ARHGEF3: variants seen among roughly 807,000 people sequenced by gnomAD.
ARHGEF3 encodes the protein Rho guanine nucleotide exchange factor 3.
ARHGEF3 carries 28 observed loss-of-function variants against 63.2 expected under a neutral mutation model. The ratio of observed to expected loss-of-function variants is 0.44; its 90% CI spans 0.33 to 0.61. The LOEUF (loss-of-function observed/expected upper bound fraction) is 0.61. Ranked by LOEUF, ARHGEF3 falls within the 20% of genes least tolerant of loss-of-function variation. The pLI is 0.03. For missense variants in ARHGEF3, 533 were observed against 659.3 expected, an observed-to-expected ratio of 0.81 and a Z score of 2.10; for synonymous variants, 266 against 254.2, an observed-to-expected ratio of 1.05 and a Z score of -0.44.
chr3:56,985,030 T>C (rs1161380210), intron 2 of ARHGEF3, among the ~76,000 whole-genome samples: 1 of 152,244 alleles, frequency 6.6e-6, no homozygotes, highest in East Asian at 1.9e-4. Flanking sequence ...CCCTGGCCTA[T>C]GAATGCTTCT....
In ARHGEF3 at chr3:56,947,300, G is replaced by A. The variant is rs182789286; in HGVS notation, c.129+11523C>T. Among the ~76,000 whole-genome samples, 344 of 152,202 alleles carry A rather than the reference G, an allele frequency of 2.3e-3. 14 individuals are homozygous for A. In the East Asian group the frequency reaches 0.057, roughly 25 times the overall value. On this transcript the variant is annotated intron_variant, in intron 3 of 12. Transcript: ENST00000338458. Reference sequence around the variant, plus strand: ...CAATATTAACCTTAAATGTAAATGGGCTAAATGCTCCAATTAAAAGACACA... The same window carrying A: ...CAATATTAACCTTAAATGTAAATGGACTAAATGCTCCAATTAAAAGACACA...
chr3:57,045,697 T>A (rs1704422914), intron 1 of ARHGEF3, among the ~76,000 whole-genome samples: 1 of 152,136 alleles, frequency 6.6e-6, no homozygotes, highest in Admixed American at 6.5e-5. Context: ...CTAGTGACCT[T>A]AAGAACCAGG....
chr3:56,746,044 T>C (rs547140646), intron 6 of ARHGEF3, among the ~76,000 whole-genome samples: 22 of 152,222 alleles, frequency 1.4e-4, no homozygotes, highest in Non-Finnish European at 2.5e-4. Context: ...AAATGCTAAT[T>C]TCTCTGACAC....
intron 1 of ARHGEF3, among the ~76,000 whole-genome samples, chr3:56,774,467 A>G (rs2107843772): frequency 6.6e-6 from 1 of 152,350 alleles, no homozygotes; most frequent in Non-Finnish European, 1.5e-5. Flanking sequence ...CGGTTTCTAT[A>G]CTATATATAG....
chr3:56,845,414 A>G (rs554859312), intron 4 of ARHGEF3, among the ~76,000 whole-genome samples: 4 of 152,228 alleles, frequency 2.6e-5, no homozygotes, highest in Non-Finnish European at 5.9e-5. Context: ...AATCATATAC[A>G]GCCTGGTCTC....
intron 1 of ARHGEF3, among the ~76,000 whole-genome samples, chr3:57,049,055 C>T (rs562480450): frequency 6.6e-6 from 1 of 152,304 alleles, no homozygotes; most frequent in South Asian, 2.1e-4. Flanking sequence ...AAGGCTGGGT[C>T]TGGGAATCTG....
chr3:56,815,963 C>T (rs1271038311), intron 4 of ARHGEF3, among the ~76,000 whole-genome samples: 2 of 152,172 alleles, frequency 1.3e-5, no homozygotes, highest in African/African-American at 4.8e-5. Flanking sequence ...TCTATAATCC[C>T]AGTACTTTGG....
intron 2 of ARHGEF3, among the ~76,000 whole-genome samples, chr3:57,015,100 A>G (rs959453380): frequency 1.3e-5 from 2 of 152,208 alleles, no homozygotes; most frequent in Non-Finnish European, 2.9e-5. Context: ...CTGAGGGCCA[A>G]ATCCAGCCGT....
At chr3:56,931,412 C>T (rs566741972) in intron 3 of ARHGEF3, among the ~76,000 whole-genome samples, 1 of 151,912 alleles carries the variant, frequency 6.6e-6, no homozygotes, top group Non-Finnish European at 1.5e-5. Flanking sequence ...CCTGTCTCTA[C>T]AGAAAATACA....
At chr3:56,982,409 A>G (rs982999239) in intron 2 of ARHGEF3, among the ~76,000 whole-genome samples, 9 of 152,128 alleles carry the variant, frequency 5.9e-5, no homozygotes, top group Non-Finnish European at 8.8e-5. Context: ...CACAGTAAGC[A>G]CTTAATTCAT....
Position 56,910,962 on chromosome 3 carries a change from C to T in ARHGEF3, c.130-28608G>A, listed in dbSNP as rs542156589. 1.2e-4 allele frequency among the ~76,000 whole-genome samples: 19 copies of T among 152,276 alleles called. No individual in the cohort carries two copies. The South Asian group carries it at 3.9e-3, about 32-fold the overall frequency. ...GAGGTAAGGAACTTGAACAAGGTCACAGAGTAAGTGACAGTGAGGATTTGA... is the reference window on the plus strand; with the variant it reads ...GAGGTAAGGAACTTGAACAAGGTCATAGAGTAAGTGACAGTGAGGATTTGA... On this transcript the variant is annotated intron_variant, in intron 3 of 12. Transcript: ENST00000338458.
At chr3:56,830,209 C>T (rs530838850) in intron 4 of ARHGEF3, among the ~76,000 whole-genome samples, 6 of 152,070 alleles carry the variant, frequency 3.9e-5, no homozygotes, top group South Asian at 2.1e-4. Context: ...ACAGTGGTGA[C>T]GGTGGTGATA....
At chr3:56,859,439 T>C (rs926323546) in intron 4 of ARHGEF3, among the ~76,000 whole-genome samples, 1 of 149,812 alleles carries the variant, frequency 6.7e-6, no homozygotes, top group African/African-American at 2.5e-5. Flanking sequence ...GTGCTCAGCC[T>C]GTATTATTGT....
intron 3 of ARHGEF3, among the ~76,000 whole-genome samples, chr3:56,891,062 G>A (rs962438309): frequency 2.6e-5 from 4 of 151,826 alleles, no homozygotes; most frequent in African/African-American, 9.7e-5. Context: ...GCTGGAACTT[G>A]ACTTGCTAAA....
upstream of ARHGEF3, among the ~76,000 whole-genome samples, chr3:56,806,726 G>A (rs191973204): frequency 1.3e-5 from 2 of 152,328 alleles, no homozygotes; most frequent in African/African-American, 4.8e-5. Flanking sequence ...ATGGCTTGGA[G>A]ACCATCTGTC....
chr3:56,878,694 C>T (rs551918760), intron 4 of ARHGEF3, among the ~76,000 whole-genome samples: 1 of 152,256 alleles, frequency 6.6e-6, no homozygotes, highest in South Asian at 2.1e-4. Context: ...CAACAGATTC[C>T]GGAAAGAGTT....
intron 4 of ARHGEF3, among the ~76,000 whole-genome samples, chr3:56,806,995 C>T (rs1202425230): frequency 2.6e-5 from 4 of 151,994 alleles, no homozygotes; most frequent in East Asian, 1.9e-4. Flanking sequence ...GCAATTTTCC[C>T]GCCTCAGCCT....
At chr3:56,962,632 G>T (rs1700329894) in intron 2 of ARHGEF3, among the ~76,000 whole-genome samples, 1 of 152,194 alleles carries the variant, frequency 6.6e-6, no homozygotes, top group Non-Finnish European at 1.5e-5. Flanking sequence ...TTCCAAGATT[G>T]TTGGAGGGGT....
At chr3:56,768,094 T>C (rs1280457410) in intron 2 of ARHGEF3, among the ~76,000 whole-genome samples, 1 of 152,106 alleles carries the variant, frequency 6.6e-6, no homozygotes, top group East Asian at 1.9e-4. Context: ...TCTCAGTCTG[T>C]CACCCAGGCT....
Sources: allele counts gnomAD v4.1 joint callset (sites outside exome capture counted in the v4.1 genomes callset), GRCh38; gene constraint gnomAD v4.1.1; transcripts MANE v1.5; gene names NCBI Gene and HGNC (gene_info 2026-07-23, HGNC 2026-07-21).